Variants in RAB31 observed in about 807,000 individuals in gnomAD.
RAB31 encodes ras-related protein Rab-31.
Under a neutral mutation model 25.6 loss-of-function variants are expected in RAB31, and 21 were observed. The ratio of observed to expected loss-of-function variants is 0.82; its 90% CI spans 0.58 to 1.18. The LOEUF (loss-of-function observed/expected upper bound fraction) is 1.18, where lower values mean the gene tolerates loss of function less well. Among genes scored for constraint, RAB31 ranks in the 50% most tolerant of loss-of-function variants. The probability of loss-of-function intolerance (pLI) is 0.00; values close to 1 mark genes in which losing one functional copy is unlikely to be tolerated. For missense variants in RAB31, 196 were observed against 250.1 expected (o/e 0.78, Z 1.46); for synonymous variants, 87 against 84.0 (o/e 1.04, Z -0.20).
chr18:9,833,017 G>A (rs2068686783), intron 5 of RAB31, among the ~76,000 whole-genome samples: 1 of 152,246 alleles, frequency 6.6e-6, no homozygotes, highest in African/African-American at 2.4e-5. Flanking sequence ...AACGCCTACT[G>A]CCTGGACCTC....
chr18:9,756,215 A>T (rs58415485), intron 1 of RAB31, among the ~76,000 whole-genome samples: 1 of 152,190 alleles, frequency 6.6e-6, no homozygotes, highest in African/African-American at 2.4e-5. Context: ...ATGCAGTGCG[A>T]TCAAGTATAG....
rs551756672 is a variant in RAB31, at chr18:9,813,871, A to AAAATT, written c.202-147_202-146insATTAA. 52 of 428,366 alleles carry AAAATT rather than the reference A, an allele frequency of 1.2e-4. No homozygotes were observed. In the South Asian group the frequency reaches 1.4e-3, roughly 12 times the overall value. 26.5% of individuals were successfully genotyped at this position (428,366 alleles called of 1,614,324 possible). A position where few individuals can be genotyped will look rare whatever the true frequency, so the allele number is the denominator to read the frequency against. The stretch of plus-strand genomic sequence containing the variant: ...CCATCTCAAAAAAATAAAATAAAAT[A>AAAATT]AATAAATAATATGAACCATGGAAAA... On this transcript the variant is annotated intron_variant, in intron 3 of 6. Transcript: ENST00000578921.
intron 6 of RAB31, among the ~76,000 whole-genome samples, chr18:9,852,644 T>C (rs1443234301): frequency 2.6e-5 from 4 of 152,210 alleles, no homozygotes; most frequent in African/African-American, 4.8e-5. Flanking sequence ...CCACAATTTA[T>C]TAATCTATTC....
chr18:9,766,423 C>T lies in RAB31; in HGVS notation c.40-8855C>T, dbSNP rs749868238. On this transcript the variant is annotated intron_variant, in intron 1 of 6. Transcript: ENST00000578921. The surrounding 1 kb of genome is among the most constrained non-coding windows in gnomAD (Gnocchi z 4.3). ...TCCACACAAGGACCTGCCTGGCAGG[C>T]GGGGTGGGCTGAGGCGGGCGGGTGG... is the stretch of plus-strand genomic sequence containing the variant. Among the ~76,000 whole-genome samples the T allele has an allele frequency of 7.0e-6, 1 of 142,904 alleles. No individual in the cohort carries two copies. Among genetic ancestry groups the T allele is most frequent in the Non-Finnish European group, 1.5e-5 (1 of 64,702 alleles). The allele number at this position is 142,904 out of a possible 152,430, so 93.8% of individuals were successfully genotyped here.
chr18:9,796,615 A>G lies in RAB31; in HGVS notation c.201+4380A>G, dbSNP rs575046845. 3.3e-5 allele frequency among the ~76,000 whole-genome samples: 5 copies of G among 152,222 alleles called. No individual in the cohort carries two copies. In the South Asian group the frequency reaches 1.0e-3, roughly 32 times the overall value. Reference sequence around the variant, plus strand: ...AGAAAAAATAATCCTTTAAAAATATATATTTGCTTTCTAATGACTTTAAAC... The same window carrying G: ...AGAAAAAATAATCCTTTAAAAATATGTATTTGCTTTCTAATGACTTTAAAC... On this transcript the variant is annotated intron_variant, in intron 3 of 6. Coordinates refer to ENST00000578921, the MANE Select transcript of RAB31 (RefSeq NM_006868.4).
At chr18:9,774,078 T>C (rs2068359630) in intron 1 of RAB31, among the ~76,000 whole-genome samples, 1 of 152,152 alleles carries the variant, frequency 6.6e-6, no homozygotes, top group South Asian at 2.1e-4. Context: ...TATTTCTTAG[T>C]GAGTGATTAT....
chr18:9,717,297 G>A (rs936490369), intron 1 of RAB31, among the ~76,000 whole-genome samples: 3 of 152,090 alleles, frequency 2.0e-5, no homozygotes, highest in Admixed American at 1.3e-4. Context: ...AGATGTCTCA[G>A]ACCTGCTTGA....
At chr18:9,719,307 A>C (rs2068061605) in intron 1 of RAB31, among the ~76,000 whole-genome samples, 1 of 41,364 alleles carries the variant, frequency 2.4e-5, no homozygotes, top group Non-Finnish European at 5.8e-5. Context: ...AAATATATAT[A>C]TATATATATA....
intron 2 of RAB31, among the ~76,000 whole-genome samples, chr18:9,790,582 A>ATT (rs2068455067): frequency 6.6e-6 from 1 of 152,088 alleles, no homozygotes; most frequent in Non-Finnish European, 1.5e-5. Flanking sequence ...GGATCCAGCC[A>ATT]AGGTTCATAT....
At chr18:9,815,027 C>T (rs1460865417) in intron 4 of RAB31, 89 bp from the exon 5 acceptor site, 8 of 927,012 alleles carry the variant, frequency 8.6e-6, no homozygotes, top group Non-Finnish European at 1.1e-5. Flanking sequence ...TATTTTTCTC[C>T]ATTAAATTGT....
intron 1 of RAB31, among the ~76,000 whole-genome samples, chr18:9,718,086 TG>T (rs1273161925): frequency 1.3e-5 from 2 of 151,958 alleles, no homozygotes. Context: ...TTTGTAGAGA[TG>T]GGGCTTGCCA....
chr18:9,776,725 C>T (rs554368503), intron 2 of RAB31, among the ~76,000 whole-genome samples: 1 of 152,204 alleles, frequency 6.6e-6, no homozygotes, highest in South Asian at 2.1e-4. Context: ...ACATTAGAGT[C>T]AGACACCTCA....
chr18:9,830,186 T>C (rs964264302), intron 5 of RAB31: 1 of 151,900 alleles, frequency 6.6e-6, no homozygotes, highest in African/African-American at 2.4e-5. Flanking sequence ...AAAAAATTTA[T>C]GTGTTTGTAG....
intron 5 of RAB31, among the ~76,000 whole-genome samples, chr18:9,838,035 G>A (rs1036170128): frequency 3.9e-5 from 6 of 152,146 alleles, no homozygotes; most frequent in African/African-American, 1.2e-4. Context: ...CACTGAGACG[G>A]CTTTGCAAAG....
At chr18:9,752,761 G>C (rs1182710417) in intron 1 of RAB31, among the ~76,000 whole-genome samples, 1 of 152,138 alleles carries the variant, frequency 6.6e-6, no homozygotes, top group Non-Finnish European at 1.5e-5. Flanking sequence ...ACACATATTC[G>C]AGGATGCACA....
At chr18:9,749,978 T>C (rs1459857153) in intron 1 of RAB31, among the ~76,000 whole-genome samples, 1 of 152,206 alleles carries the variant, frequency 6.6e-6, no homozygotes, top group African/African-American at 2.4e-5. Flanking sequence ...ATTCATTCTT[T>C]CTTTTTGTCT....
chr18:9,727,743 A>G (rs1160509835), intron 1 of RAB31, among the ~76,000 whole-genome samples: 1 of 152,236 alleles, frequency 6.6e-6, no homozygotes, highest in Non-Finnish European at 1.5e-5. Flanking sequence ...CTATGAAGAA[A>G]ATCTTTGCTA....
chr18:9,762,274 C>A (rs2068293128), intron 1 of RAB31, among the ~76,000 whole-genome samples: 1 of 152,202 alleles, frequency 6.6e-6, no homozygotes, highest in Admixed American at 6.5e-5. Flanking sequence ...TGTCATGATT[C>A]TTCATCCTTT....
At chr18:9,818,651 G>A (rs1382071094) in intron 5 of RAB31, among the ~76,000 whole-genome samples, 1 of 152,082 alleles carries the variant, frequency 6.6e-6, no homozygotes, top group Non-Finnish European at 1.5e-5. Context: ...GAACAATCAT[G>A]TACAAATTTT....
Sources: allele counts gnomAD v4.1 joint callset (sites outside exome capture counted in the v4.1 genomes callset), GRCh38; gene constraint gnomAD v4.1.1; non-coding constraint Gnocchi (gnomAD v3.1); transcripts MANE v1.5; gene names NCBI Gene and HGNC (gene_info 2026-07-23, HGNC 2026-07-21).